The following GPC6 variants were observed in gnomAD, a reference collection of about 807,000 sequenced individuals.
GPC6 encodes glypican-6.
A neutral mutation model predicts 55.2 loss-of-function variants in GPC6; 14 were observed. That is an observed-to-expected ratio of 0.25 (90% CI 0.17 to 0.40). The LOEUF (loss-of-function observed/expected upper bound fraction) is 0.40, where lower values mean the gene tolerates loss of function less well. Ranked by LOEUF, GPC6 falls within the 10% of genes least tolerant of loss-of-function variation. GPC6 has a pLI of 1.00. For missense variants in GPC6, 641 were observed against 708.5 expected (o/e 0.90, Z 1.08); for synonymous variants, 278 against 259.6 (o/e 1.07, Z -0.68).
At chr13:94,084,244 C>T (rs1885205460) in intron 4 of GPC6, among the ~76,000 whole-genome samples, 1 of 152,168 alleles carries the variant, frequency 6.6e-6, no homozygotes, top group Non-Finnish European at 1.5e-5. Flanking sequence ...CCACTTCTTC[C>T]TTTAGAGAGT....
At chr13:93,890,846 C>T (rs1875640394) in intron 3 of GPC6, among the ~76,000 whole-genome samples, 1 of 149,102 alleles carries the variant, frequency 6.7e-6, no homozygotes, top group African/African-American at 2.5e-5. Flanking sequence ...GACTCAATTT[C>T]TTGAGTGCTA....
intron 5 of GPC6, among the ~76,000 whole-genome samples, chr13:94,300,761 A>T (rs548526016): frequency 2.8e-4 from 43 of 152,290 alleles, no homozygotes; most frequent in Admixed American, 2.2e-3. Context: ...GGTAATACCG[A>T]TTCTGTTTCT....
rs1594133872 is a variant in GPC6, at chr13:94,287,755, C to T, written c.1008+1276C>T. Reference sequence around the variant, plus strand: ...TCCTGTGGAAAAAATAGCAATCATCCATTCCTCTCAAATCTATGCCTAGAA... The same window carrying T: ...TCCTGTGGAAAAAATAGCAATCATCTATTCCTCTCAAATCTATGCCTAGAA... On this transcript the variant is annotated intron_variant, in intron 5 of 8. Transcript: ENST00000377047. Among the ~76,000 whole-genome samples, 3 of 152,254 alleles carry T rather than the reference C, an allele frequency of 2.0e-5. No homozygotes were observed. In the East Asian group the frequency reaches 5.8e-4, roughly 29 times the overall value.
intron 3 of GPC6, among the ~76,000 whole-genome samples, chr13:93,930,518 ACC>A (rs1878112250): frequency 6.6e-6 from 1 of 151,986 alleles, no homozygotes; most frequent in Non-Finnish European, 1.5e-5. Context: ...TGATCCACCC[ACC>A]ACGGCCTCCC....
At chr13:93,632,638 A>G (rs1196666819) in intron 2 of GPC6, among the ~76,000 whole-genome samples, 1 of 68,974 alleles carries the variant, frequency 1.4e-5, no homozygotes, top group African/African-American at 3.6e-5. Flanking sequence ...TATATATATA[A>G]TAAAATAAAA....
intron 4 of GPC6, among the ~76,000 whole-genome samples, chr13:94,224,117 T>C (rs1890472566): frequency 6.6e-6 from 1 of 152,002 alleles, no homozygotes; most frequent in Non-Finnish European, 1.5e-5. Context: ...AACAATGTTG[T>C]ACTGTGCTGT....
In GPC6 at chr13:94,234,294, A is replaced by G. The variant is rs1053911822; in HGVS notation, c.878-52055A>G. On this transcript the variant is annotated intron_variant, in intron 4 of 8. Transcript: ENST00000377047. ...TGTACTGTGAACTCAGAAGTATTCC[A>G]TGTTTACAGGTATAACTAAATTCAT... Among the ~76,000 whole-genome samples the G allele has an allele frequency of 1.4e-4, 22 of 152,258 alleles. 1 individual carries two copies. The highest frequency in any genetic ancestry group is 1.2e-3 in the Admixed American group (19 of 15,302).
At chr13:93,638,757 A>G (rs1176094612) in intron 2 of GPC6, among the ~76,000 whole-genome samples, 1 of 152,198 alleles carries the variant, frequency 6.6e-6, no homozygotes, top group Non-Finnish European at 1.5e-5. Flanking sequence ...TTATGCCTTG[A>G]GAATGGTCTT....
chr13:94,259,424 T>C (rs968265731), intron 4 of GPC6, among the ~76,000 whole-genome samples: 2 of 152,226 alleles, frequency 1.3e-5, no homozygotes, highest in African/African-American at 4.8e-5. Flanking sequence ...GGTGATCCAG[T>C]TAGACAACTC....
chr13:94,139,794 G>A (rs187232168), intron 4 of GPC6, among the ~76,000 whole-genome samples: 1 of 152,152 alleles, frequency 6.6e-6, no homozygotes, highest in African/African-American at 2.4e-5. Context: ...CTACTGACTA[G>A]CAAGACCCCT....
chr13:93,891,044 C>G (rs1323387356), intron 3 of GPC6, among the ~76,000 whole-genome samples: 1 of 151,818 alleles, frequency 6.6e-6, no homozygotes, highest in South Asian at 2.1e-4. Flanking sequence ...AGTGGAAATA[C>G]AAAGGTATAA....
intron 1 of GPC6, among the ~76,000 whole-genome samples, chr13:93,377,989 A>G (rs1347883892): frequency 3.3e-5 from 5 of 152,352 alleles, no homozygotes; most frequent in African/African-American, 1.2e-4. Context: ...TTTGTGAAAT[A>G]GCACTGTAGA....
chr13:93,703,972 A>G (rs1882761193), intron 2 of GPC6, among the ~76,000 whole-genome samples: 1 of 152,004 alleles, frequency 6.6e-6, no homozygotes, highest in Admixed American at 6.6e-5. Context: ...AAACATTACA[A>G]TTAAACTATC....
intron 2 of GPC6, among the ~76,000 whole-genome samples, chr13:93,656,650 T>G (rs564912699): frequency 2.8e-4 from 42 of 152,254 alleles, no homozygotes; most frequent in African/African-American, 9.6e-4. Flanking sequence ...CAATCTGAAC[T>G]AGGGAGAATA....
chr13:93,592,642 T>C (rs544555186), intron 2 of GPC6, among the ~76,000 whole-genome samples: 31 of 151,680 alleles, frequency 2.0e-4, no homozygotes, highest in African/African-American at 7.0e-4. Context: ...AAATCTTTGA[T>C]TCCTTTTTCT....
At chr13:94,059,303 T>A (rs1225514644) in intron 4 of GPC6, among the ~76,000 whole-genome samples, 1 of 152,094 alleles carries the variant, frequency 6.6e-6, no homozygotes, top group Non-Finnish European at 1.5e-5. Context: ...GTTCCCAAGC[T>A]TGTGCATCTC....
chr13:93,605,681 C>CAAA lies in GPC6; in HGVS notation c.319+60272_319+60274dup, dbSNP rs747120957. The stretch of plus-strand genomic sequence containing the variant: ...GTGAAATCCTGTCTCTACAAAAATG[C>CAAA]AAAAAAAAAAAAAAGCCAGTCATGA... On this transcript the variant is annotated intron_variant, in intron 2 of 8. Transcript: ENST00000377047. 3.5e-3 allele frequency among the ~76,000 whole-genome samples: 398 copies of CAAA among 113,644 alleles called. 3 individuals are homozygous for CAAA. Among genetic ancestry groups the CAAA allele is most frequent in the African/African-American group, 0.011 (366 of 32,292 alleles). The allele number at this position is 113,644 out of a possible 152,430, so 74.6% of individuals were successfully genotyped here.
At chr13:93,470,889 T>C (rs1435961361) in intron 1 of GPC6, among the ~76,000 whole-genome samples, 2 of 152,128 alleles carry the variant, frequency 1.3e-5, no homozygotes, top group Admixed American at 6.5e-5. Context: ...GAGGAATTGG[T>C]CCTTTTCAAC....
chr13:94,343,950 C>T (rs538789025), intron 6 of GPC6, among the ~76,000 whole-genome samples: 4 of 152,212 alleles, frequency 2.6e-5, no homozygotes, highest in Admixed American at 2.0e-4. Context: ...AGGCTGGTGT[C>T]GAACTCCTGG....
Sources: gnomAD v4.1 joint callset for allele counts (sites outside exome capture counted in the v4.1 genomes callset) on GRCh38, gnomAD v4.1.1 for gene constraint, MANE v1.5 for transcripts, NCBI Gene and HGNC (gene_info 2026-07-23, HGNC 2026-07-21) for gene names.